ADARB2: variants seen among roughly 807,000 people sequenced by gnomAD.
ADARB2 encodes adenosine deaminase RNA specific B2 (inactive).
In ADARB2, 25 loss-of-function variants were observed where a neutral mutation model predicts 62.2. That is an observed-to-expected ratio of 0.40 (90% CI 0.29 to 0.56). ADARB2 has a LOEUF of 0.56. ADARB2 is among the 20% of genes least tolerant of loss of function. The pLI, the probability that ADARB2 is intolerant of heterozygous loss-of-function variation, is 0.43. For synonymous variants in ADARB2, 572 were observed against 500.8 expected (o/e 1.14, Z -1.90); for missense variants, 1,071 against 1,077.4 (o/e 0.99, Z 0.08).
At chr10:1,569,635 T>C (rs1213638475) in intron 1 of ADARB2, among the ~76,000 whole-genome samples, 1 of 152,234 alleles carries the variant, frequency 6.6e-6, no homozygotes, top group East Asian at 1.9e-4. Context: ...ACCTGTCTCC[T>C]TTTTAGAAAT....
intron 1 of ADARB2, among the ~76,000 whole-genome samples, chr10:1,668,904 G>A (rs544730432): frequency 1.6e-4 from 25 of 152,316 alleles, no homozygotes; most frequent in African/African-American, 5.1e-4. Context: ...TGGCAAAGGT[G>A]TTATTATGTG....
chr10:1,188,786 A>T (rs1438942512), intron 8 of ADARB2, among the ~76,000 whole-genome samples: 2 of 152,188 alleles, frequency 1.3e-5, no homozygotes, highest in African/African-American at 2.4e-5. Context: ...AGAGAAACGG[A>T]TGCTCATGGA....
chr10:1,219,672 G>A (rs1468153271), intron 6 of ADARB2, among the ~76,000 whole-genome samples: 1 of 152,224 alleles, frequency 6.6e-6, no homozygotes, highest in African/African-American at 2.4e-5. Context: ...TGATGATAAT[G>A]GTGGTGGTGA....
intron 1 of ADARB2, among the ~76,000 whole-genome samples, chr10:1,673,850 G>T (rs1275210811): frequency 6.6e-6 from 1 of 152,238 alleles, no homozygotes; most frequent in Non-Finnish European, 1.5e-5. Context: ...CCACTTCCGG[G>T]ATGGGATCCT....
Position 1,379,060 on chromosome 10 carries a change from G to A in ADARB2, c.187+14C>T. 6.2e-7 allele frequency: 1 copy of A among 1,606,610 alleles called. No homozygotes were observed. The highest frequency in any genetic ancestry group is 2.2e-5 in the East Asian group (1 of 44,832). Reference sequence around the variant, plus strand: ...AGGGGCCTTTGTGTACTTCGGGGAAGGGAAGTTGCTTACTGAGGGTGTCGT... The same window carrying A: ...AGGGGCCTTTGTGTACTTCGGGGAAAGGAAGTTGCTTACTGAGGGTGTCGT... On this transcript the variant is annotated intron_variant, in intron 2 of 9. Transcript: ENST00000381312.
At chr10:1,422,415 G>T (rs1832859526) in intron 1 of ADARB2, among the ~76,000 whole-genome samples, 1 of 152,200 alleles carries the variant, frequency 6.6e-6, no homozygotes, top group Admixed American at 6.5e-5. Context: ...CTCACGCTTT[G>T]GAGACCGGGG....
intron 2 of ADARB2, among the ~76,000 whole-genome samples, chr10:1,373,820 ACTCCGCGCACCCTTCCTAGTGAAACCG>A (rs1832397002): frequency 8.4e-5 from 3 of 35,674 alleles, no homozygotes; most frequent in African/African-American, 1.3e-4. Flanking sequence ...GACCGCGTGG[ACTCCGCGCACCCTTCCTAGTGAAACCG>A]CGTGGGCTCC....
rs1588311122 is a variant in ADARB2, at chr10:1,581,562, A to G, written c.100+155489T>C. Among the ~76,000 whole-genome samples, 4 of 152,346 alleles carry G rather than the reference A, an allele frequency of 2.6e-5. No homozygotes were observed. The South Asian group carries it at 8.3e-4, about 32-fold the overall frequency. On this transcript the variant is annotated intron_variant, in intron 1 of 9. Coordinates refer to ENST00000381312, the MANE Select transcript of ADARB2 (RefSeq NM_018702.4). ...ACGTAAACCTGTAGAATGGAACAACAGTAACTACCACAGGGGTAGGTCTAG... is the reference window on the plus strand; with the variant it reads ...ACGTAAACCTGTAGAATGGAACAACGGTAACTACCACAGGGGTAGGTCTAG...
rs1830926534 is a variant in ADARB2, at chr10:1,443,389, C to T, written c.101-64229G>A. Among the ~76,000 whole-genome samples the T allele has an allele frequency of 2.0e-5, 3 of 152,250 alleles. No homozygotes were observed. The South Asian group carries it at 6.2e-4, about 32-fold the overall frequency. On this transcript the variant is annotated intron_variant, in intron 1 of 9. Coordinates refer to ENST00000381312, the MANE Select transcript of ADARB2 (RefSeq NM_018702.4). ...TTCTTATTATGCAGGCGAATTAATT[C>T]TTTAATGTTAATAATATATTCCATT...
rs540194923 is a variant in ADARB2, at chr10:1,718,773, C to T, written c.100+18278G>A. ...GACTCTGCCCTCCCAGGAGGGGGCT[C>T]CAGGCTCTGGCTTCCAGCTCCCAGG... On this transcript the variant is annotated intron_variant, in intron 1 of 9. Transcript: ENST00000381312. 3.5e-4 allele frequency among the ~76,000 whole-genome samples: 52 copies of T among 147,534 alleles called. 1 individual carries two copies. In the South Asian group the frequency reaches 7.5e-3, roughly 21 times the overall value.
At chr10:1,323,545 G>A (rs904635355) in intron 3 of ADARB2, among the ~76,000 whole-genome samples, 1 of 152,170 alleles carries the variant, frequency 6.6e-6, no homozygotes, top group Non-Finnish European at 1.5e-5. Context: ...AGAATAAAGT[G>A]GAAGGAATCA....
chr10:1,458,492 G>A (rs1446056192), intron 1 of ADARB2, among the ~76,000 whole-genome samples: 2 of 152,156 alleles, frequency 1.3e-5, no homozygotes, highest in Admixed American at 1.3e-4. Context: ...AGAAAGTCAA[G>A]AAGCCCTGCT....
At chr10:1,383,406 T>C (rs184073832) in intron 1 of ADARB2, among the ~76,000 whole-genome samples, 1 of 151,338 alleles carries the variant, frequency 6.6e-6, no homozygotes, top group African/African-American at 2.4e-5. Flanking sequence ...TGTTAACATC[T>C]TGGGGTGAGG....
At chr10:1,591,418 C>A (rs1050661530) in intron 1 of ADARB2, among the ~76,000 whole-genome samples, 1 of 152,148 alleles carries the variant, frequency 6.6e-6, no homozygotes, top group Non-Finnish European at 1.5e-5. Flanking sequence ...GGGTCTACAG[C>A]TGCATTATTG....
At chr10:1,675,464 G>A in intron 1 of ADARB2, 1 of 983,360 alleles carries the variant, frequency 1.0e-6, no homozygotes, top group Non-Finnish European at 1.2e-6. Context: ...GGATGTTCTG[G>A]AGGTTTGGGT....
At chr10:1,422,537 A>G (rs1832860483) in intron 1 of ADARB2, among the ~76,000 whole-genome samples, 2 of 152,166 alleles carry the variant, frequency 1.3e-5, no homozygotes, top group African/African-American at 4.8e-5. Flanking sequence ...GTCTTGGGGC[A>G]GGGAGAGGAG....
chr10:1,384,998 T>A (rs183797365), intron 1 of ADARB2, among the ~76,000 whole-genome samples: 1 of 152,244 alleles, frequency 6.6e-6, no homozygotes, highest in East Asian at 1.9e-4. Flanking sequence ...TGTAAAAAGG[T>A]CATGTTTTAG....
At chr10:1,436,968 T>C (rs1830841146) in intron 1 of ADARB2, among the ~76,000 whole-genome samples, 1 of 152,186 alleles carries the variant, frequency 6.6e-6, no homozygotes, top group Non-Finnish European at 1.5e-5. Context: ...TTACATGTTT[T>C]GATAAATACA....
intron 1 of ADARB2, among the ~76,000 whole-genome samples, chr10:1,718,984 G>GTGGTTT (rs1564203778): frequency 6.6e-6 from 1 of 151,636 alleles, no homozygotes; most frequent in Non-Finnish European, 1.5e-5. Flanking sequence ...TTTTGTTGTT[G>GTGGTTT]TTGTTGTTGT....
Sources: allele counts gnomAD v4.1 joint callset (sites outside exome capture counted in the v4.1 genomes callset), GRCh38; gene constraint gnomAD v4.1.1; transcripts MANE v1.5; gene names NCBI Gene and HGNC (gene_info 2026-07-23, HGNC 2026-07-21).